Variants in MTFR2 observed in about 807,000 individuals in gnomAD.
MTFR2 encodes DUF729 domain-containing protein 1.
In MTFR2, 44 loss-of-function variants were observed where a neutral mutation model predicts 41.2. The observed-to-expected ratio is 1.07, with a 90% CI of 0.84 to 1.37. The LOEUF (loss-of-function observed/expected upper bound fraction) is 1.37, where lower values mean the gene tolerates loss of function less well. Among genes scored for constraint, MTFR2 ranks in the 40% most tolerant of loss-of-function variants. The pLI is 0.00. For synonymous variants in MTFR2, 141 were observed against 154.6 expected (o/e 0.91, Z 0.65); for missense variants, 452 against 459.5 (o/e 0.98, Z 0.15).
intron 6 of MTFR2, 89 bp from the exon 7 acceptor site, chr6:136,233,588 T>C (rs1583958061): frequency 4.9e-6 from 5 of 1,026,876 alleles, no homozygotes; most frequent in Non-Finnish European, 6.7e-6. Flanking sequence ...TACAAGCATA[T>C]CTTACAATTT....
intron 2 of MTFR2, chr6:136,248,810 T>G: frequency 6.2e-6 from 3 of 487,272 alleles, no homozygotes; most frequent in South Asian, 6.3e-5. Context: ...TTTTGCTTCC[T>G]TTGTATCTTC....
chr6:136,243,054 TAAC>T, intron 3 of MTFR2, 81 bp from the exon 4 acceptor site: 1 of 827,952 alleles, frequency 1.2e-6, no homozygotes, highest in Admixed American at 3.0e-5. Flanking sequence ...TTAAATTAGT[TAAC>T]AATCCAAAAG....
chr6:136,239,354 G>C, intron 6 of MTFR2, 112 bp downstream of exon 6: 1 of 766,370 alleles, frequency 1.3e-6, no homozygotes, highest in South Asian at 2.0e-5. Flanking sequence ...GTATTCAGGG[G>C]TGAAGAAGAA....
At position 136,231,360 on chromosome 6, in the gene MTFR2, CCTT is replaced by C. The variant is rs1779750063; in HGVS notation, c.1070_1072del (p.Glu357del). The C allele has an allele frequency of 6.2e-6, 10 of 1,611,536 alleles. No homozygotes were observed. The highest frequency in any genetic ancestry group is 8.5e-6 in the Non-Finnish European group (10 of 1,179,020). ...GACCATTTCTTCTTTAGTTCGCTGT[CCTT>C]CTGACTGTGAAATGTGATGTCCAAA... On this transcript the variant is annotated inframe_deletion, in exon 8 of 8. Transcript: ENST00000420702.
intron 4 of MTFR2, among the ~76,000 whole-genome samples, chr6:136,241,920 T>C (rs147370229): frequency 1.3e-5 from 2 of 151,710 alleles, no homozygotes; most frequent in East Asian, 3.9e-4. Flanking sequence ...CTACTAAAAA[T>C]ATTTTTAAAA....
chr6:136,240,380 TTATA>T (rs1295660231), intron 5 of MTFR2, among the ~76,000 whole-genome samples: 3 of 151,626 alleles, frequency 2.0e-5, no homozygotes, highest in South Asian at 2.1e-4. Context: ...TTATTGTATA[TTATA>T]TAATGTGTTT....
At chr6:136,234,391 A>G (rs1779851481) in intron 6 of MTFR2, among the ~76,000 whole-genome samples, 1 of 152,098 alleles carries the variant, frequency 6.6e-6, no homozygotes, top group Non-Finnish European at 1.5e-5. Flanking sequence ...AGATATGATC[A>G]GAAAAAAAGC....
chr6:136,237,162 T>C (rs1032065226), intron 6 of MTFR2, among the ~76,000 whole-genome samples: 4 of 152,220 alleles, frequency 2.6e-5, no homozygotes, highest in African/African-American at 9.6e-5. Flanking sequence ...GAAAATCCTG[T>C]AGCCCAAAAG....
At chr6:136,233,134 T>C (rs1261592958) in intron 7 of MTFR2, 191 bp downstream of exon 7, 3 of 456,694 alleles carry the variant, frequency 6.6e-6, no homozygotes, top group African/African-American at 3.9e-5. Context: ...AAAGAGCTCA[T>C]GATAGGCTAA....
intron 6 of MTFR2, among the ~76,000 whole-genome samples, chr6:136,237,418 A>C (rs953803849): frequency 2.6e-4 from 40 of 152,246 alleles, no homozygotes; most frequent in African/African-American, 9.2e-4. Flanking sequence ...AGGAAACTTA[A>C]AACAAACCTA....
intron 5 of MTFR2, among the ~76,000 whole-genome samples, chr6:136,240,283 G>T (rs1780020931): frequency 6.6e-6 from 1 of 151,946 alleles, no homozygotes; most frequent in African/African-American, 2.4e-5. Context: ...TTTAAGATTT[G>T]CTCATAAAGG....
At chr6:136,231,733 C>A (rs1417770806) in intron 7 of MTFR2, among the ~76,000 whole-genome samples, 4 of 146,896 alleles carry the variant, frequency 2.7e-5, no homozygotes, top group African/African-American at 5.1e-5. Context: ...GGAAAAAGTG[C>A]TAAGAGACAC....
intron 4 of MTFR2, 27 bp from the exon 5 acceptor site, chr6:136,241,703 G>A: frequency 6.5e-7 from 1 of 1,531,068 alleles, no homozygotes; most frequent in Non-Finnish European, 9.0e-7. Context: ...ATAGGAAATG[G>A]AGGGAAGATA....
chr6:136,239,428 C>A (rs1198096893), intron 6 of MTFR2, 38 bp downstream of exon 6: 1 of 1,486,036 alleles, frequency 6.7e-7, no homozygotes, highest in Non-Finnish European at 9.1e-7. Context: ...ATAAAATTGA[C>A]AAAATTTCAG....
intron 6 of MTFR2, among the ~76,000 whole-genome samples, chr6:136,234,304 C>CAAA (rs1192464627): frequency 1.8e-5 from 1 of 56,384 alleles, no homozygotes; most frequent in Admixed American, 2.0e-4. Flanking sequence ...CACCCTGTCT[C>CAAA]AAAAAAAAAA....
chr6:136,240,874 G>A (rs1006588496), intron 5 of MTFR2, among the ~76,000 whole-genome samples: 52 of 152,230 alleles, frequency 3.4e-4, no homozygotes, highest in East Asian at 9.7e-4. Context: ...GGCAGATCAC[G>A]AGGTCAGGAG....
chr6:136,239,486 A>G lies in MTFR2; in HGVS notation c.849T>C (p.Val283=). The change falls in exon 6 of 8, where the codon GTT becomes GTC. Residue 283 remains valine, a synonymous_variant. Transcript: ENST00000420702. ...MLDVLKDMNK[V]KLRAIERSPG... is the part of the protein sequence containing the mutation. The stretch of plus-strand genomic sequence containing the variant: ...CATACCGCTCAATTGCACGAAGCTT[A>G]ACCTTATTCATATCCTTTAGAACGT... 1 of 1,608,578 alleles carries G rather than the reference A, an allele frequency of 6.2e-7. No individual in the cohort carries two copies. The highest frequency in any genetic ancestry group is 1.1e-5 in the South Asian group (1 of 90,716).
intron 4 of MTFR2, 33 bp downstream of exon 4, chr6:136,242,828 A>G: frequency 1.3e-6 from 2 of 1,521,580 alleles, no homozygotes; most frequent in Non-Finnish European, 1.8e-6. Context: ...TTCAGTTTAT[A>G]GCCCACTTCC....
chr6:136,242,979 G>T lies in MTFR2; in HGVS notation c.169-6C>A, dbSNP rs1420093867. ...GAGTTCAAGAGCGGGATCAACTAAA[G>T]TAAAAAAAGAAAAAAATAGTCAGAG... On this transcript the variant is annotated splice_region_variant and splice_polypyrimidine_tract_variant and intron_variant, in intron 3 of 7. Coordinates refer to ENST00000420702, the MANE Select transcript of MTFR2 (RefSeq NM_001099286.3). 1.0e-5 allele frequency: 16 copies of T among 1,583,728 alleles called. No homozygotes were observed. The Admixed American group carries it at 3.0e-4, about 30-fold the overall frequency.
Sources: gnomAD v4.1 joint callset for allele counts (sites outside exome capture counted in the v4.1 genomes callset) on GRCh38, gnomAD v4.1.1 for gene constraint, MANE v1.5 for transcripts, NCBI Gene and HGNC (gene_info 2026-07-23, HGNC 2026-07-21) for gene names.